Variants in DCC observed in about 807,000 individuals in gnomAD.
DCC encodes DCC netrin 1 receptor.
DCC carries 58 observed loss-of-function variants against 172.5 expected under a neutral mutation model. The observed-to-expected ratio is 0.34, with a 90% confidence interval of 0.27 to 0.42. The LOEUF is 0.42. Among genes scored for constraint, DCC ranks in the 10% least tolerant of loss-of-function variants. DCC has a pLI of 1.00. For synonymous variants in DCC, 709 were observed against 644.5 expected (o/e 1.10, Z -1.52); for missense variants, 1,740 against 1,791.0 (o/e 0.97, Z 0.51).
At chr18:52,665,315 G>C (rs1317251467) in intron 1 of DCC, among the ~76,000 whole-genome samples, 1 of 152,146 alleles carries the variant, frequency 6.6e-6, no homozygotes, top group Non-Finnish European at 1.5e-5. Context: ...GGTATGACTT[G>C]CTACTATAGG....
chr18:52,906,463 C>A lies in DCC; in HGVS notation c.697+135C>A, dbSNP rs924373429. The A allele has an allele frequency of 5.2e-6, 5 of 955,904 alleles. No individual in the cohort carries two copies. In the African/African-American group the frequency reaches 8.4e-5, roughly 16 times the overall value. The allele number at this position is 955,904 out of a possible 1,614,324, so 59.2% of individuals were successfully genotyped here. ...ATTGCGTTTTGTTTATTATTTCTTTCTTCCTTGCCGAAGCATTCAATCAGG... is the reference window on the plus strand; with the variant it reads ...ATTGCGTTTTGTTTATTATTTCTTTATTCCTTGCCGAAGCATTCAATCAGG... On this transcript the variant is annotated intron_variant, in intron 3 of 28. Coordinates refer to ENST00000442544, the MANE Select transcript of DCC (RefSeq NM_005215.4).
At chr18:53,458,297 T>C (rs1449244860) in intron 23 of DCC, among the ~76,000 whole-genome samples, 2 of 152,190 alleles carry the variant, frequency 1.3e-5, no homozygotes, top group African/African-American at 4.8e-5. Flanking sequence ...ATACATGGTT[T>C]AGGATTTTTG....
chr18:52,951,113 G>C (rs1031481119), intron 5 of DCC, among the ~76,000 whole-genome samples: 1 of 151,996 alleles, frequency 6.6e-6, no homozygotes, highest in Non-Finnish European at 1.5e-5. Context: ...CCACTGTTCG[G>C]TAATGTTTCA....
rs1355529956 is a variant in DCC, at chr18:53,313,049, G to GA, written c.2053+7330_2053+7331insA. Among the ~76,000 whole-genome samples the GA allele has an allele frequency of 1.3e-3, 186 of 138,570 alleles. 4 individuals carry two copies. Among genetic ancestry groups the GA allele is most frequent in the African/African-American group, 4.0e-3 (154 of 38,620 alleles). The allele number at this position is 138,570 out of a possible 152,430, so 90.9% of individuals were successfully genotyped here. The stretch of plus-strand genomic sequence containing the variant: ...GGGAAGAAGGAGGAAAGGGAAGAAG[G>GA]GAGGGAAGGAAAGGGTGGAAAGGAA... On this transcript the variant is annotated intron_variant, in intron 13 of 28. Coordinates refer to ENST00000442544, the MANE Select transcript of DCC (RefSeq NM_005215.4).
At chr18:52,794,845 G>A (rs1301229492) in intron 2 of DCC, among the ~76,000 whole-genome samples, 1 of 151,900 alleles carries the variant, frequency 6.6e-6, no homozygotes, top group East Asian at 1.9e-4. Context: ...TTGTCATGAA[G>A]AGGTATTGAA....
chr18:52,965,129 A>T (rs1305563051), intron 5 of DCC: 1 of 152,198 alleles, frequency 6.6e-6, no homozygotes, highest in Admixed American at 6.5e-5. Context: ...TTCACCAGGT[A>T]AGGTAATATA....
At chr18:52,659,091 C>T (rs1598995125) in intron 1 of DCC, among the ~76,000 whole-genome samples, 1 of 152,108 alleles carries the variant, frequency 6.6e-6, no homozygotes, top group Non-Finnish European at 1.5e-5. Flanking sequence ...CATCATTTTA[C>T]CTTTTGCCCA....
chr18:53,416,407 C>A, intron 21 of DCC: 2 of 646,772 alleles, frequency 3.1e-6, no homozygotes, highest in South Asian at 3.2e-5. Context: ...TGTCAAGCTT[C>A]TTTGTATGAA....
At chr18:53,367,967 T>C (rs1012189462) in intron 15 of DCC, among the ~76,000 whole-genome samples, 3 of 152,160 alleles carry the variant, frequency 2.0e-5, no homozygotes, top group African/African-American at 7.2e-5. Context: ...CTAGATCATA[T>C]GGTAATTCTA....
chr18:52,742,130 C>T (rs532335538), intron 1 of DCC, among the ~76,000 whole-genome samples: 1 of 152,324 alleles, frequency 6.6e-6, no homozygotes, highest in Admixed American at 6.5e-5. Context: ...GCCTTGCTAA[C>T]ACCTTGATCC....
At chr18:52,576,681 T>A (rs2033417986) in intron 1 of DCC, among the ~76,000 whole-genome samples, 1 of 151,938 alleles carries the variant, frequency 6.6e-6, no homozygotes, top group Non-Finnish European at 1.5e-5. Context: ...TACAAAAAAA[T>A]TAGCCGGGCA....
At chr18:53,151,997 A>G (rs1404304021) in intron 7 of DCC, among the ~76,000 whole-genome samples, 1 of 151,588 alleles carries the variant, frequency 6.6e-6, no homozygotes. Flanking sequence ...GAACAACAAG[A>G]AAAAAAAATC....
At chr18:53,251,017 CCTT>C (rs1431892808) in intron 12 of DCC, among the ~76,000 whole-genome samples, 3 of 151,900 alleles carry the variant, frequency 2.0e-5, no homozygotes, top group Non-Finnish European at 4.4e-5. Flanking sequence ...GGCTTCTTGT[CCTT>C]CTCTCCATCT....
At chr18:53,080,285 G>T (rs2042782048) in intron 7 of DCC, among the ~76,000 whole-genome samples, 1 of 152,048 alleles carries the variant, frequency 6.6e-6, no homozygotes, top group African/African-American at 2.4e-5. Context: ...CATCACTTAA[G>T]AAAGAGGAAG....
intron 5 of DCC, among the ~76,000 whole-genome samples, chr18:52,952,066 A>G (rs2145550383): frequency 6.6e-6 from 1 of 152,340 alleles, no homozygotes; most frequent in South Asian, 2.1e-4. Flanking sequence ...TAGCTTTGAA[A>G]AAGATCAATC....
At chr18:52,987,429 C>T (rs550208450) in intron 5 of DCC, among the ~76,000 whole-genome samples, 5 of 152,216 alleles carry the variant, frequency 3.3e-5, no homozygotes, top group African/African-American at 4.8e-5. Context: ...TTTTTTACAA[C>T]GTAAGACCAT....
At chr18:53,081,857 A>G (rs1355277537) in intron 7 of DCC, among the ~76,000 whole-genome samples, 1 of 152,102 alleles carries the variant, frequency 6.6e-6, no homozygotes, top group African/African-American at 2.4e-5. Context: ...CAGTCTTCAC[A>G]TAACTATTCT....
At chr18:52,946,716 C>T (rs950098104) in intron 5 of DCC, among the ~76,000 whole-genome samples, 3 of 152,128 alleles carry the variant, frequency 2.0e-5, no homozygotes, top group Non-Finnish European at 4.4e-5. Flanking sequence ...CTTGGCCAAG[C>T]CCAAAGTCCA....
At chr18:53,042,085 T>G (rs2144001666) in intron 5 of DCC, among the ~76,000 whole-genome samples, 1 of 152,144 alleles carries the variant, frequency 6.6e-6, no homozygotes, top group South Asian at 2.1e-4. Context: ...CTTGTGCTGG[T>G]TTTCAAAGAG....
Sources: gnomAD v4.1 joint callset for allele counts (sites outside exome capture counted in the v4.1 genomes callset) on GRCh38, gnomAD v4.1.1 for gene constraint, MANE v1.5 for transcripts, NCBI Gene and HGNC (gene_info 2026-07-23, HGNC 2026-07-21) for gene names.